The following FCMR variants were observed in gnomAD, a reference collection of about 807,000 sequenced individuals.
FCMR encodes the protein immunoglobulin mu Fc receptor.
A neutral mutation model predicts 41.6 loss-of-function variants in FCMR; 34 were observed. The ratio of observed to expected loss-of-function variants is 0.82; its 90% confidence interval spans 0.62 to 1.09. FCMR has a LOEUF of 1.09. Among genes scored for constraint, FCMR ranks in the 50% least tolerant of loss-of-function variants. The probability of loss-of-function intolerance (pLI) is 0.00; values close to 1 mark genes in which losing one functional copy is unlikely to be tolerated. For missense variants in FCMR, 496 were observed against 512.5 expected, an observed-to-expected ratio of 0.97 and a Z score of 0.31; for synonymous variants, 209 against 211.8, an observed-to-expected ratio of 0.99 and a Z score of 0.12.
chr1:206,918,650 A>AGTGTGTGTGTGTGT (rs10652847), intron 1 of FCMR, among the ~76,000 whole-genome samples: 121 of 145,984 alleles, frequency 8.3e-4, no homozygotes, highest in African/African-American at 2.3e-3. Context: ...ATAAATTTTA[A>AGTGTGTGTGTGTGT]GTGTGTGTGT....
In FCMR at chr1:206,903,353, G is replaced by A. The variant is rs1417441140; in HGVS notation, c.*1666C>T. The A allele has an allele frequency of 6.3e-6, 2 of 318,412 alleles. No individual in the cohort carries two copies. The highest frequency in any genetic ancestry group is 4.3e-5 in the African/African-American group (2 of 47,034). 19.7% of individuals were successfully genotyped at this position (318,412 alleles called of 1,614,324 possible). A position where few individuals can be genotyped will look rare whatever the true frequency, so the allele number is the denominator to read the frequency against. On this transcript the variant is annotated 3_prime_UTR_variant, in exon 8 of 8. Transcript: ENST00000367091. The stretch of plus-strand genomic sequence containing the variant: ...GTTCTATTTATTTGTGAGACTGTAA[G>A]TTACATGAAGGCAGCAGAATATTGT...
At chr1:206,914,440 T>C (rs186565300) in intron 1 of FCMR, among the ~76,000 whole-genome samples, 10 of 148,354 alleles carry the variant, frequency 6.7e-5, no homozygotes, top group African/African-American at 2.0e-4. Flanking sequence ...TTCTTTTCTT[T>C]TTTTTTTTTT....
chr1:206,922,895 G>A (rs1374154992), upstream of FCMR, among the ~76,000 whole-genome samples: 3 of 152,160 alleles, frequency 2.0e-5, no homozygotes, highest in Admixed American at 6.5e-5. Flanking sequence ...CCTGGGCCTC[G>A]GTTTTTTCCT....
chr1:206,914,078 C>T lies in FCMR; in HGVS notation c.54G>A (p.Arg18=). 1 of 1,613,762 alleles carries T rather than the reference C, an allele frequency of 6.2e-7. No homozygotes were observed. The highest frequency in any genetic ancestry group is 1.6e-4 in the Middle Eastern group (1 of 6,062). The change falls in exon 2 of 8, where the codon AGG becomes AGA. Residue 18 remains arginine (R), a synonymous_variant. Transcript: ENST00000367091. ...CCTCTACCTTTACTTCTGGGAGGAT[C>T]CTCAGGGCCCCCGATACTGCAGGGA... is the stretch of plus-strand genomic sequence containing the variant. ...LYFLPVSGAL[R]ILPEVKVEGE...
rs900327081 is a variant in FCMR, at chr1:206,905,109, C to T, written c.1083G>A (p.Lys361=). The T allele has an allele frequency of 6.2e-7, 1 of 1,614,010 alleles. No homozygotes were observed. The highest frequency in any genetic ancestry group is 8.5e-7 in the Non-Finnish European group (1 of 1,179,946). ...ESPWLHAPSL[K]TSCEYVSLYH... ...AGAGGCTCACGTATTCACAGCTGGT[C>T]TTCAGAGATGGGGCATGGAGCCAGG... is the stretch of plus-strand genomic sequence containing the variant. Residue 361 remains lysine (K), a synonymous_variant, in exon 8 of 8, where the codon AAG becomes AAA. Transcript: ENST00000367091.
At chr1:206,914,179 T>C in intron 1 of FCMR, 85 bp from the exon 2 acceptor site, 1 of 1,087,480 alleles carries the variant, frequency 9.2e-7, no homozygotes, top group Non-Finnish European at 1.4e-6. Context: ...CAGCCGTCTC[T>C]CCAACCCTAG....
intron 7 of FCMR, chr1:206,908,038 C>G: frequency 8.0e-7 from 1 of 1,250,380 alleles, no homozygotes. Context: ...TCTGGAGCGC[C>G]TGGCTCACGA....
chr1:206,916,395 G>A (rs1341865476), intron 1 of FCMR, among the ~76,000 whole-genome samples: 1 of 152,230 alleles, frequency 6.6e-6, no homozygotes, highest in African/African-American at 2.4e-5. Context: ...ACTTTCCCAA[G>A]AGCAAGATGG....
rs1385382826 is a variant in FCMR, at chr1:206,904,584, C to T, written c.*435G>A. 1 of 198,082 alleles carries T rather than the reference C, an allele frequency of 5.0e-6. No homozygotes were observed. Among genetic ancestry groups the T allele is most frequent in the Admixed American group, 5.3e-5 (1 of 19,010 alleles). The allele number at this position is 198,082 out of a possible 1,614,324, so 12.3% of individuals were successfully genotyped here. On this transcript the variant is annotated 3_prime_UTR_variant, in exon 8 of 8. Transcript: ENST00000367091. ...CTGAGGCATGTCACATAACTCAGAG[C>T]AAGAGCCTTCTATTTGTGTAAGACC...
Position 206,904,879 on chromosome 1 carries a change from T to C in FCMR, c.*140A>G. ...GAGCCATGCTCAGGGCACAGATAGA[T>C]GGGGATGGGAGTCGAGATGGGGCAT... On this transcript the variant is annotated 3_prime_UTR_variant, in exon 8 of 8. Transcript: ENST00000367091. 1.1e-6 allele frequency: 1 copy of C among 904,260 alleles called. No homozygotes were observed. Among genetic ancestry groups the C allele is most frequent in the Non-Finnish European group, 1.8e-6 (1 of 563,780 alleles). The allele number at this position is 904,260 out of a possible 1,614,324, so 56.0% of individuals were successfully genotyped here.
chr1:206,914,936 T>G (rs1201077112), intron 1 of FCMR, among the ~76,000 whole-genome samples: 1 of 152,118 alleles, frequency 6.6e-6, no homozygotes, highest in Admixed American at 6.5e-5. Flanking sequence ...TATCACTCAC[T>G]CCAAAGAGAC....
intron 4 of FCMR, among the ~76,000 whole-genome samples, chr1:206,910,978 A>G (rs1214109617): frequency 6.6e-6 from 1 of 152,176 alleles, no homozygotes; most frequent in African/African-American, 2.4e-5. Context: ...TAAGATCTGG[A>G]TATTGCATAT....
At chr1:206,912,891 CT>C (rs754157576) in intron 3 of FCMR, 37 bp downstream of exon 3, 1 of 1,369,606 alleles carries the variant, frequency 7.3e-7, no homozygotes, top group East Asian at 2.3e-5. Flanking sequence ...GCCACAGCAT[CT>C]CACCCACCTC....
Position 206,921,902 on chromosome 1 carries a change from G to A in FCMR, c.-48C>T. The stretch of plus-strand genomic sequence containing the variant: ...CCATCCAAGAGCCCCTAGAGAGGGG[G>A]ATGGAGACACGCTGCTTACTCAGGA... On this transcript the variant is annotated 5_prime_UTR_variant, in exon 1 of 8. Transcript: ENST00000367091. 6.4e-7 allele frequency: 1 copy of A among 1,556,158 alleles called. No homozygotes were observed. Among genetic ancestry groups the A allele is most frequent in the Non-Finnish European group, 8.9e-7 (1 of 1,127,478 alleles).
At position 206,914,025 on chromosome 1, in the gene FCMR, T is replaced by A. The variant is rs1309666043; in HGVS notation, c.107A>T (p.Lys36Met). 6.2e-7 allele frequency: 1 copy of A among 1,614,204 alleles called. No individual in the cohort carries two copies. The highest frequency in any genetic ancestry group is 2.2e-5 in the East Asian group (1 of 44,888). ...EGELGGSVTI[K>M]CPLPEMHVRI... is the part of the protein sequence containing the mutation. ...CACATGCATTTCAGGAAGTGGGCAC[T>A]TGATGGTAACTGATCCGCCCAGCTC... is the stretch of plus-strand genomic sequence containing the variant. Residue 36 changes from lysine (K) to methionine (M), a missense_variant, in exon 2 of 8, where the codon AAG becomes ATG. Lys to Met is a moderately conservative substitution (Grantham distance 95). Coordinates refer to ENST00000367091, the MANE Select transcript of FCMR (RefSeq NM_005449.5).
upstream of FCMR, among the ~76,000 whole-genome samples, chr1:206,922,189 T>C (rs1478702340): frequency 6.6e-6 from 1 of 152,216 alleles, no homozygotes; most frequent in Non-Finnish European, 1.5e-5. Flanking sequence ...TTGGTGCTTT[T>C]TCTTAGCAGG....
intron 4 of FCMR, among the ~76,000 whole-genome samples, chr1:206,911,528 C>A (rs1024316795): frequency 6.6e-6 from 1 of 152,188 alleles, no homozygotes; most frequent in African/African-American, 2.4e-5. Flanking sequence ...TCACTTCTTT[C>A]TACAGGATCA....
At position 206,909,886 on chromosome 1, in the gene FCMR, G is replaced by C; in HGVS notation, c.842-18C>G. 7.3e-7 allele frequency: 1 copy of C among 1,372,026 alleles called. No homozygotes were observed. The highest frequency in any genetic ancestry group is 9.4e-7 in the Non-Finnish European group (1 of 1,063,550). 85.0% of individuals were successfully genotyped at this position (1,372,026 alleles called of 1,614,324 possible). ...GGAGAGGGCTTCCCCACAAAGCCAC[G>C]GGAAGAGGGAGGAAAATGGCATCAG... On this transcript the variant is annotated intron_variant, in intron 5 of 7. Transcript: ENST00000367091. This position sits in a 1 kb window ranked among gnomAD's most constrained non-coding sequence, Gnocchi z 5.0.
At chr1:206,919,888 T>C (rs1442826984) in intron 1 of FCMR, among the ~76,000 whole-genome samples, 3 of 152,238 alleles carry the variant, frequency 2.0e-5, no homozygotes, top group Admixed American at 1.3e-4. Flanking sequence ...CAGTGTTTGA[T>C]GTTTCACGTA....
Sources: gnomAD v4.1 joint callset for allele counts (sites outside exome capture counted in the v4.1 genomes callset) on GRCh38, gnomAD v4.1.1 for gene constraint, Gnocchi (gnomAD v3.1) non-coding constraint, MANE v1.5 for transcripts, NCBI Gene and HGNC (gene_info 2026-07-23, HGNC 2026-07-21) for gene names.